Variants in ANXA8 observed in about 807,000 individuals in gnomAD.
ANXA8 encodes VAC-beta.
ANXA8 carries 9 observed loss-of-function variants against 26.8 expected under a neutral mutation model. The ratio of observed to expected loss-of-function variants is 0.34; its 90% CI spans 0.20 to 0.59. ANXA8 has a LOEUF of 0.59. ANXA8 is among the 20% of genes least tolerant of loss of function. The pLI, the probability that ANXA8 is intolerant of heterozygous loss-of-function variation, is 0.84. For synonymous variants in ANXA8, 39 were observed against 94.8 expected, an observed-to-expected ratio of 0.41 and a Z score of 3.42; for missense variants, 83 against 238.5, an observed-to-expected ratio of 0.35 and a Z score of 4.29.
the ANXA8 span, among the ~76,000 whole-genome samples, chr10:47,744,759 C>A: frequency 6.6e-6 from 1 of 151,710 alleles, no homozygotes. Context: ...TTCTATTTAC[C>A]AATTCAAACT....
At chr10:47,584,972 T>C in the ANXA8 span, among the ~76,000 whole-genome samples, 1 of 147,192 alleles carries the variant, frequency 6.8e-6, no homozygotes, top group African/African-American at 2.7e-5. Flanking sequence ...CCTGTAATCC[T>C]AGATACTCAG....
the ANXA8 span, among the ~76,000 whole-genome samples, chr10:47,657,138 C>T: frequency 6.6e-6 from 1 of 151,248 alleles, no homozygotes; most frequent in African/African-American, 2.4e-5. Context: ...GATATTGTCA[C>T]CACCACACAT....
At chr10:47,644,948 T>C in the ANXA8 span, among the ~76,000 whole-genome samples, 1 of 151,764 alleles carries the variant, frequency 6.6e-6, no homozygotes, top group Admixed American at 6.6e-5. Context: ...CTAATCCATA[T>C]TGCTCCTTCT....
chr10:47,951,992 A>G, the ANXA8 span, among the ~76,000 whole-genome samples: 1 of 150,472 alleles, frequency 6.6e-6, no homozygotes, highest in Non-Finnish European at 1.5e-5. Flanking sequence ...AGCAGTTTAA[A>G]GCAGAAAACC....
the ANXA8 span, among the ~76,000 whole-genome samples, chr10:47,705,644 T>G: frequency 6.6e-6 from 1 of 150,896 alleles, no homozygotes; most frequent in South Asian, 2.1e-4. Context: ...TAGATAATCT[T>G]TAGAAGTTAC....
chr10:47,469,035 G>A lies in ANXA8; in HGVS notation c.925-129C>T, dbSNP rs1165592638. The A allele has an allele frequency of 1.7e-4, 230 of 1,354,966 alleles. 1 individual carries two copies. The highest frequency in any genetic ancestry group is 3.2e-4 in the Admixed American group (16 of 50,452). 83.9% of individuals were successfully genotyped at this position (1,354,966 alleles called of 1,614,324 possible). ...CTGGCCCGGCCCTCCAGGGTTCCTAGCCGCAGGGGTTGTGCCATCACCCCT... is the reference window on the plus strand; with the variant it reads ...CTGGCCCGGCCCTCCAGGGTTCCTAACCGCAGGGGTTGTGCCATCACCCCT... On this transcript the variant is annotated intron_variant, in intron 11 of 11. Coordinates refer to ENST00000585281, the MANE Select transcript of ANXA8 (RefSeq NM_001040084.3).
At chr10:47,989,032 C>T in the ANXA8 span, among the ~76,000 whole-genome samples, 1 of 149,626 alleles carries the variant, frequency 6.7e-6, no homozygotes, top group Non-Finnish European at 1.5e-5. Context: ...AGAAGCAATG[C>T]TTATGTCATG....
chr10:47,918,431 A>AAGAGAGAGAG, the ANXA8 span, among the ~76,000 whole-genome samples: 1 of 31,114 alleles, frequency 3.2e-5, no homozygotes, highest in East Asian at 5.7e-4. Flanking sequence ...GAAAGAAAGA[A>AAGAGAGAGAG]AGAGAGAGAG....
chr10:47,624,009 G>A, the ANXA8 span, among the ~76,000 whole-genome samples: 32 of 99,820 alleles, frequency 3.2e-4, 6 homozygotes, highest in Non-Finnish European at 5.5e-4. Context: ...GGCTGAGAAG[G>A]GCGGATCGCG....
At chr10:47,525,547 A>C in the ANXA8 span, among the ~76,000 whole-genome samples, 1 of 135,652 alleles carries the variant, frequency 7.4e-6, no homozygotes, top group Admixed American at 7.5e-5. Context: ...TATGGGGATT[A>C]TAATTCATGA....
the ANXA8 span, among the ~76,000 whole-genome samples, chr10:47,576,727 C>T: frequency 6.6e-6 from 1 of 150,554 alleles, no homozygotes; most frequent in South Asian, 2.1e-4. Context: ...ACCATGTTGC[C>T]CAGGCCAGTC....
the ANXA8 span, among the ~76,000 whole-genome samples, chr10:47,975,397 A>T: frequency 2.0e-5 from 3 of 148,448 alleles, no homozygotes; most frequent in African/African-American, 7.3e-5. Context: ...CTTGTTGAAT[A>T]AGATAAGTAG....
the ANXA8 span, among the ~76,000 whole-genome samples, chr10:47,556,672 CTG>C: frequency 6.6e-6 from 1 of 151,936 alleles, no homozygotes; most frequent in Non-Finnish European, 1.5e-5. Flanking sequence ...TTAGAGAAGA[CTG>C]GGGTCACAAG....
At chr10:47,610,675 AC>A in the ANXA8 span, among the ~76,000 whole-genome samples, 2 of 149,762 alleles carry the variant, frequency 1.3e-5, no homozygotes, top group Non-Finnish European at 3.0e-5. Flanking sequence ...AGTTGACTAT[AC>A]CTGTGGCAGA....
chr10:47,593,365 G>A, the ANXA8 span, among the ~76,000 whole-genome samples: 1 of 149,832 alleles, frequency 6.7e-6, no homozygotes, highest in Non-Finnish European at 1.5e-5. Context: ...CAGACTTGGA[G>A]AAGGAATTAT....
At chr10:47,579,664 A>G in the ANXA8 span, among the ~76,000 whole-genome samples, 1 of 65,152 alleles carries the variant, frequency 1.5e-5, no homozygotes, top group Admixed American at 1.7e-4. Flanking sequence ...CAAATATGCA[A>G]CTCACAAAAT....
At chr10:47,555,565 A>G in the ANXA8 span, among the ~76,000 whole-genome samples, 1 of 151,774 alleles carries the variant, frequency 6.6e-6, no homozygotes, top group Non-Finnish European at 1.5e-5. Flanking sequence ...TTTGCCAACA[A>G]CTCCCAAAGT....
the ANXA8 span, among the ~76,000 whole-genome samples, chr10:47,754,958 CTTTTCT>C: frequency 0.038 from 1,026 of 26,852 alleles, 1 homozygote; most frequent in Middle Eastern, 0.18. Context: ...TTTTTCTTTT[CTTTTCT>C]TTTTTTTTTT....
the ANXA8 span, among the ~76,000 whole-genome samples, chr10:47,498,023 C>T: frequency 2.0e-5 from 3 of 151,492 alleles, no homozygotes; most frequent in African/African-American, 7.3e-5. Flanking sequence ...TTCTAAGTGG[C>T]AGTTGGAACA....
Sources: allele counts gnomAD v4.1 joint callset (sites outside exome capture counted in the v4.1 genomes callset), GRCh38; gene constraint gnomAD v4.1.1; transcripts MANE v1.5; gene names NCBI Gene and HGNC (gene_info 2026-07-23, HGNC 2026-07-21).